TMEM63B: variants seen among roughly 807,000 people sequenced by gnomAD.
TMEM63B encodes the protein transmembrane protein 63B.
In TMEM63B, 23 loss-of-function variants were observed where a neutral mutation model predicts 102.6. The observed-to-expected ratio is 0.22, with a 90% CI of 0.16 to 0.32. TMEM63B has a LOEUF of 0.32. Among genes scored for constraint, TMEM63B ranks in the 10% least tolerant of loss-of-function variants. TMEM63B has a pLI of 1.00. For synonymous variants in TMEM63B, 444 were observed against 437.0 expected (o/e 1.02, Z -0.20); for missense variants, 628 against 1,095.9 (o/e 0.57, Z 6.03).
rs201576147 is a variant in TMEM63B, at chr6:44,137,053, CA to C, written c.369+622del. ...GAGCGAGACTCCATCTCAAAACAAACAAAAAAAAGAAATAATAAGCCCTCCA... is the reference window on the plus strand; with the variant it reads ...GAGCGAGACTCCATCTCAAAACAAACAAAAAAAGAAATAATAAGCCCTCCA... On this transcript the variant is annotated intron_variant, in intron 5 of 23. Coordinates refer to ENST00000323267, the MANE Select transcript of TMEM63B (RefSeq NM_018426.3). Among the ~76,000 whole-genome samples the C allele has an allele frequency of 6.7e-3, 1,013 of 151,970 alleles. 41 individuals carry two copies. Among genetic ancestry groups the C allele is most frequent in the Admixed American group, 0.055 (846 of 15,272 alleles).
chr6:44,148,764 T>TGGA lies in TMEM63B; in HGVS notation c.1260-27_1260-25dup, dbSNP rs1156872802. 1 of 1,613,938 alleles carries TGGA rather than the reference T, an allele frequency of 6.2e-7. No individual in the cohort carries two copies. The highest frequency in any genetic ancestry group is 8.5e-7 in the Non-Finnish European group (1 of 1,179,962). ...GGGGGCCAATCCTGCCCTTGGTTCC[T>TGGA]GGACTGACCGGTTCCCCACCTTGCC... On this transcript the variant is annotated intron_variant, in intron 14 of 23. Transcript: ENST00000323267. The surrounding 1 kb of genome is among the most constrained non-coding windows in gnomAD (Gnocchi z 5.1).
rs1460239557 is a variant in TMEM63B at position 44,136,442 on chromosome 6, G to A, written c.369+3G>A. ...TTGACTTTGACCAAAGGGACAATGT[G>A]AGTGCCCTCCCCCCAAACTTCTTAG... On this transcript the variant is annotated splice_donor_region_variant and intron_variant, in intron 5 of 23. Transcript: ENST00000323267. The A allele has an allele frequency of 6.2e-7, 1 of 1,612,390 alleles. No homozygotes were observed. The highest frequency in any genetic ancestry group is 8.5e-7 in the Non-Finnish European group (1 of 1,178,980).
chr6:44,149,197 G>T, intron 15 of TMEM63B: 1 of 564,616 alleles, frequency 1.8e-6, no homozygotes, highest in Non-Finnish European at 3.2e-6. Context: ...ATTTAGTCCT[G>T]ATCTCAGAGA....
chr6:44,136,289 C>G, intron 4 of TMEM63B, 60 bp from the exon 5 acceptor site: 1 of 1,471,082 alleles, frequency 6.8e-7, no homozygotes, highest in Non-Finnish European at 9.5e-7. Flanking sequence ...GCACTCAGCC[C>G]AGCTTCCCGG....
At chr6:44,140,165 A>G in intron 8 of TMEM63B, 87 bp from the exon 9 acceptor site, 1 of 1,071,504 alleles carries the variant, frequency 9.3e-7, no homozygotes, top group Non-Finnish European at 1.4e-6. Flanking sequence ...TGTCTGTATC[A>G]AGGGTTTAAC....
At chr6:44,145,698 A>G (rs1274413220) in intron 10 of TMEM63B, among the ~76,000 whole-genome samples, 1 of 152,148 alleles carries the variant, frequency 6.6e-6, no homozygotes, top group African/African-American at 2.4e-5. Flanking sequence ...CACTTTGGGA[A>G]GCTGAGGCAG....
At chr6:44,146,721 G>C (rs1180918061) in intron 10 of TMEM63B, 126 bp from the exon 11 acceptor site, 9 of 979,818 alleles carry the variant, frequency 9.2e-6, no homozygotes, top group Non-Finnish European at 1.5e-5. Context: ...AAAGTGCTGG[G>C]ATTACAGATG....
intron 10 of TMEM63B, among the ~76,000 whole-genome samples, chr6:44,144,677 G>A (rs1393654199): frequency 3.3e-5 from 5 of 151,842 alleles, no homozygotes; most frequent in Non-Finnish European, 7.4e-5. Context: ...GCTCACTGCA[G>A]CCTTGACCTC....
At chr6:44,140,084 C>T (rs765290853) in intron 8 of TMEM63B, among the ~76,000 whole-genome samples, 168 bp from the exon 9 acceptor site, 2 of 152,118 alleles carry the variant, frequency 1.3e-5, no homozygotes, top group Non-Finnish European at 2.9e-5. Flanking sequence ...ATTTTGGTGT[C>T]TAGGGGATGT....
rs571103851 is a variant in TMEM63B at position 44,134,953 on chromosome 6, G to C, written c.160-64G>C. 349 of 1,589,390 alleles carry C rather than the reference G, an allele frequency of 2.2e-4. 3 individuals are homozygous for C. In the South Asian group the frequency reaches 3.7e-3, roughly 17 times the overall value. ...ACAAGATTTTGGACCCTCTGCTTCT[G>C]CCCCCTAGTCCAGCAGGTGGACAGA... On this transcript the variant is annotated intron_variant, in intron 2 of 23. Transcript: ENST00000323267.
chr6:44,142,267 TAAAAA>T (rs57699007), intron 10 of TMEM63B, among the ~76,000 whole-genome samples: 4 of 138,386 alleles, frequency 2.9e-5, no homozygotes, highest in East Asian at 2.1e-4. Context: ...CCCCATGTCT[TAAAAA>T]AAAAAAAAAA....
chr6:44,138,878 C>A, intron 6 of TMEM63B: 1 of 315,926 alleles, frequency 3.2e-6, no homozygotes, highest in South Asian at 3.3e-5. Flanking sequence ...GGAGATCCAG[C>A]CAGAGTCCAG....
chr6:44,135,133 A>G (rs1309200549), intron 3 of TMEM63B, 37 bp downstream of exon 3: 1 of 1,609,090 alleles, frequency 6.2e-7, no homozygotes, highest in South Asian at 1.1e-5. Flanking sequence ...CTCTCCACAC[A>G]CACATCTTGT....
intron 5 of TMEM63B, among the ~76,000 whole-genome samples, chr6:44,137,690 ATT>A (rs34749484): frequency 1.4e-5 from 2 of 143,808 alleles, no homozygotes; most frequent in Admixed American, 6.9e-5. Flanking sequence ...GAGGGGAGAG[ATT>A]TTTTTTTTTT....
At chr6:44,133,045 C>G (rs1178021935) in intron 1 of TMEM63B, among the ~76,000 whole-genome samples, 1 of 152,046 alleles carries the variant, frequency 6.6e-6, no homozygotes, top group Non-Finnish European at 1.5e-5. Flanking sequence ...TCAGGATCGT[C>G]GAGGATTAAA....
intron 5 of TMEM63B, 52 bp from the exon 6 acceptor site, chr6:44,138,428 G>T (rs895575126): frequency 1.2e-6 from 2 of 1,612,666 alleles, no homozygotes; most frequent in Admixed American, 1.7e-5. Flanking sequence ...GGAGGAGAGA[G>T]GTTCGGGTTG....
Position 44,128,097 on chromosome 6 carries a change from C to T in TMEM63B, c.-25+419C>T, listed in dbSNP as rs1388260712. Reference sequence around the variant, plus strand: ...CGCCCCCGCCCCCGAGTTTTGGACCCCGGGGTCGCCAAGTCCGATGCCTTC... The same window carrying T: ...CGCCCCCGCCCCCGAGTTTTGGACCTCGGGGTCGCCAAGTCCGATGCCTTC... On this transcript the variant is annotated intron_variant, in intron 1 of 23. Coordinates refer to ENST00000323267, the MANE Select transcript of TMEM63B (RefSeq NM_018426.3). 1.1e-4 allele frequency among the ~76,000 whole-genome samples: 17 copies of T among 152,296 alleles called. No individual in the cohort carries two copies. The East Asian group carries it at 2.9e-3, about 26-fold the overall frequency.
At position 44,148,368 on chromosome 6, in the gene TMEM63B, T is replaced by C. The variant is rs1765861326; in HGVS notation, c.1104T>C (p.Asn368=). ...PLGMAFVTFH[N]ETITAIILKD... Reference sequence around the variant, plus strand: ...GCATGGCCTTTGTCACCTTCCACAATGAGACTATCACCGCCATGTGAGTCC... The same window carrying C: ...GCATGGCCTTTGTCACCTTCCACAACGAGACTATCACCGCCATGTGAGTCC... Residue 368 remains asparagine, a synonymous_variant, in exon 13 of 24, where the codon AAT becomes AAC. Coordinates refer to ENST00000323267, the MANE Select transcript of TMEM63B (RefSeq NM_018426.3). This position sits in a 1 kb window ranked among gnomAD's most constrained non-coding sequence, Gnocchi z 5.1. The C allele has an allele frequency of 1.2e-6, 2 of 1,613,484 alleles. No individual in the cohort carries two copies. Among genetic ancestry groups the C allele is most frequent in the African/African-American group, 2.7e-5 (2 of 74,928 alleles).
At chr6:44,132,493 T>C (rs1762135379) in intron 1 of TMEM63B, among the ~76,000 whole-genome samples, 1 of 152,132 alleles carries the variant, frequency 6.6e-6, no homozygotes, top group Non-Finnish European at 1.5e-5. Flanking sequence ...GGGGTGGGAA[T>C]AGAGTGTTGA....
Sources: allele counts gnomAD v4.1 joint callset (sites outside exome capture counted in the v4.1 genomes callset), GRCh38; gene constraint gnomAD v4.1.1; non-coding constraint Gnocchi (gnomAD v3.1); transcripts MANE v1.5; gene names NCBI Gene and HGNC (gene_info 2026-07-23, HGNC 2026-07-21).